PRUNE2: variants seen among roughly 807,000 people sequenced by gnomAD.
The protein encoded by PRUNE2 is protein prune homolog 2.
In PRUNE2, 164 loss-of-function variants were observed where a neutral mutation model predicts 252.0. The ratio of observed to expected loss-of-function variants is 0.65; its 90% CI spans 0.57 to 0.74. The LOEUF (loss-of-function observed/expected upper bound fraction) is 0.74. Among genes scored for constraint, PRUNE2 ranks in the 30% least tolerant of loss-of-function variants. PRUNE2 has a pLI of 0.00. For synonymous variants in PRUNE2, 1,292 were observed against 1,350.2 expected (o/e 0.96, Z 0.94); for missense variants, 3,495 against 3,711.0 (o/e 0.94, Z 1.51).
At chr9:76,755,375 TGAGG>T (rs2051043711) in intron 6 of PRUNE2, among the ~76,000 whole-genome samples, 1 of 151,542 alleles carries the variant, frequency 6.6e-6, no homozygotes, top group Admixed American at 6.6e-5. Flanking sequence ...AGAGAGAGAA[TGAGG>T]GAGGGAGGAA....
intron 13 of PRUNE2, among the ~76,000 whole-genome samples, chr9:76,637,855 A>G (rs1840819414): frequency 6.6e-6 from 1 of 152,238 alleles, no homozygotes; most frequent in African/African-American, 2.4e-5. Context: ...ATAAGGGCAG[A>G]TATTAATGAA....
At chr9:76,807,051 T>TGTGTGTGTGTGTGTGTGCGC in intron 6 of PRUNE2, among the ~76,000 whole-genome samples, 1 of 139,338 alleles carries the variant, frequency 7.2e-6, no homozygotes, top group South Asian at 2.3e-4. Context: ...TGTGTGTGTG[T>TGTGTGTGTGTGTGTGTGCGC]GCGCGCGCGC....
intron 6 of PRUNE2, among the ~76,000 whole-genome samples, chr9:76,757,745 G>A (rs867916629): frequency 0.012 from 1,773 of 152,160 alleles, 33 homozygotes; most frequent in African/African-American, 0.04. Context: ...GGAATCACTC[G>A]AGACCAGCCT....
chr9:76,627,512 ACG>A (rs1246287503), intron 16 of PRUNE2, among the ~76,000 whole-genome samples: 1 of 152,180 alleles, frequency 6.6e-6, no homozygotes, highest in East Asian at 1.9e-4. Context: ...GGTTGTGGAA[ACG>A]CTGTGAAGCT....
intron 18 of PRUNE2, among the ~76,000 whole-genome samples, chr9:76,616,295 T>C (rs922129861): frequency 1.3e-5 from 2 of 152,228 alleles, no homozygotes; most frequent in African/African-American, 4.8e-5. Flanking sequence ...TTAAAAAATA[T>C]ACTGTTTTTG....
intron 6 of PRUNE2, among the ~76,000 whole-genome samples, chr9:76,717,134 G>A (rs539386573): frequency 1.6e-4 from 25 of 152,322 alleles, no homozygotes; most frequent in Admixed American, 9.2e-4. Flanking sequence ...ACCTAGGCAA[G>A]TTAGAGAAAC....
At chr9:76,684,072 C>T (rs1188639688) in intron 9 of PRUNE2, among the ~76,000 whole-genome samples, 2 of 152,016 alleles carry the variant, frequency 1.3e-5, no homozygotes, top group Non-Finnish European at 2.9e-5. Flanking sequence ...CATCACCTCA[C>T]ATACTTATGT....
At chr9:76,638,088 C>T (rs1840914865) in intron 13 of PRUNE2, 98 bp downstream of exon 13, 1 of 765,266 alleles carries the variant, frequency 1.3e-6, no homozygotes, top group Non-Finnish European at 2.2e-6. Flanking sequence ...AGGCTTAGAA[C>T]ATTCTACATC....
In PRUNE2 at chr9:76,637,407, A is replaced by G; in HGVS notation, c.8963+11T>C. ...AATCAAAATAGTGATTAAATAATAG[A>G]GCCCACATACCGTCTGTCAATCATC... On this transcript the variant is annotated intron_variant, in intron 14 of 18. Coordinates refer to ENST00000376718, the MANE Select transcript of PRUNE2 (RefSeq NM_015225.3). 1 of 1,612,854 alleles carries G rather than the reference A, an allele frequency of 6.2e-7. No individual in the cohort carries two copies. Among genetic ancestry groups the G allele is most frequent in the Non-Finnish European group, 8.5e-7 (1 of 1,179,514 alleles).
rs2135008313 is a variant in PRUNE2, at chr9:76,710,831, A to G, written c.1443T>C (p.His481=). 1.9e-6 allele frequency: 3 copies of G among 1,550,502 alleles called. No homozygotes were observed. Among genetic ancestry groups the G allele is most frequent in the Non-Finnish European group, 2.6e-6 (3 of 1,150,242 alleles). The change falls in exon 8 of 19, where the codon CAT becomes CAC. Residue 481 remains histidine, a synonymous_variant. Transcript: ENST00000376718. ...GCTCACCGTGTTCTCCAGACCATGC[A>G]TGTTCCTCCGCCACCGCCCCTTCAG... ...PIPEGAVAEE[H]AWSGEHGEHF...
chr9:76,798,525 C>T (rs2056296070), intron 6 of PRUNE2, among the ~76,000 whole-genome samples: 3 of 152,086 alleles, frequency 2.0e-5, no homozygotes, highest in Non-Finnish European at 4.4e-5. Flanking sequence ...TTTGTTTAAC[C>T]GTTCATCTGT....
chr9:76,736,973 C>T (rs1000405201), intron 6 of PRUNE2: 1 of 151,072 alleles, frequency 6.6e-6, no homozygotes, highest in Non-Finnish European at 1.5e-5. Flanking sequence ...GGTGGGGCCA[C>T]TCTATGTGGT....
At chr9:76,756,819 G>C (rs11145046) in intron 6 of PRUNE2, among the ~76,000 whole-genome samples, 19,517 of 151,854 alleles carry the variant, frequency 0.13, 1,579 homozygotes, top group Non-Finnish European at 0.18. Flanking sequence ...CTTGATGCTT[G>C]ATGCTGTTCC....
intron 1 of PRUNE2, among the ~76,000 whole-genome samples, chr9:76,893,598 T>C (rs746121110): frequency 1.3e-5 from 2 of 152,234 alleles, no homozygotes; most frequent in African/African-American, 2.4e-5. Context: ...TGCCAGCCTA[T>C]GAAACCCTTT....
At chr9:76,665,982 C>T (rs948961924) in intron 9 of PRUNE2, among the ~76,000 whole-genome samples, 1 of 152,074 alleles carries the variant, frequency 6.6e-6, no homozygotes, top group Middle Eastern at 3.2e-3. Context: ...ATCATTAGTT[C>T]GTAGCAATTA....
intron 6 of PRUNE2, among the ~76,000 whole-genome samples, chr9:76,716,754 G>A (rs1183711375): frequency 6.6e-6 from 1 of 152,000 alleles, no homozygotes; most frequent in Non-Finnish European, 1.5e-5. Context: ...ATAGGTATAT[G>A]TGTGCCATGG....
At chr9:76,824,416 T>G (rs1409572880) in intron 5 of PRUNE2, among the ~76,000 whole-genome samples, 1 of 152,186 alleles carries the variant, frequency 6.6e-6, no homozygotes, top group Non-Finnish European at 1.5e-5. Flanking sequence ...ATAATTTCAT[T>G]CAAAATGCAC....
chr9:76,660,886 A>T (rs544413087), intron 9 of PRUNE2, among the ~76,000 whole-genome samples: 2 of 152,252 alleles, frequency 1.3e-5, no homozygotes, highest in East Asian at 3.9e-4. Flanking sequence ...ATTAGGTGCA[A>T]GAAAAAACTC....
chr9:76,624,309 ATCTAT>A, intron 17 of PRUNE2, 138 bp downstream of exon 17: 1 of 486,664 alleles, frequency 2.1e-6, no homozygotes. Flanking sequence ...TAGAGATTAC[ATCTAT>A]CATAGGAGAA....
Sources: gnomAD v4.1 joint callset for allele counts (sites outside exome capture counted in the v4.1 genomes callset) on GRCh38, gnomAD v4.1.1 for gene constraint, MANE v1.5 for transcripts, NCBI Gene and HGNC (gene_info 2026-07-23, HGNC 2026-07-21) for gene names.